Variants in DCC observed in about 807,000 individuals in gnomAD.
DCC encodes the protein netrin receptor DCC.
DCC carries 58 observed loss-of-function variants against 172.5 expected under a neutral mutation model. That is an observed-to-expected ratio of 0.34 (90% CI 0.27 to 0.42). The LOEUF (loss-of-function observed/expected upper bound fraction) is 0.42. Ranked by LOEUF, DCC falls within the 10% of genes least tolerant of loss-of-function variation. The pLI is 1.00. For missense variants in DCC, 1,740 were observed against 1,791.0 expected, an observed-to-expected ratio of 0.97 and a Z score of 0.51; for synonymous variants, 709 against 644.5, an observed-to-expected ratio of 1.10 and a Z score of -1.52.
At chr18:53,171,085 A>G (rs1286854144) in intron 8 of DCC, among the ~76,000 whole-genome samples, 1 of 152,110 alleles carries the variant, frequency 6.6e-6, no homozygotes, top group Non-Finnish European at 1.5e-5. Context: ...GGGTTTCACC[A>G]GATTGGCCAG....
At chr18:53,236,553 G>A (rs891115712) in intron 12 of DCC, among the ~76,000 whole-genome samples, 2 of 151,916 alleles carry the variant, frequency 1.3e-5, no homozygotes, top group African/African-American at 4.8e-5. Flanking sequence ...ACAAATTGGC[G>A]GCTTACCTTT....
chr18:52,631,079 G>A (rs1598970394), intron 1 of DCC, among the ~76,000 whole-genome samples: 1 of 152,132 alleles, frequency 6.6e-6, no homozygotes, highest in East Asian at 1.9e-4. Flanking sequence ...CTATTCGGAG[G>A]CCTACTTTTC....
chr18:53,341,507 C>A (rs1180496750), intron 15 of DCC, among the ~76,000 whole-genome samples: 1 of 152,108 alleles, frequency 6.6e-6, no homozygotes, highest in Non-Finnish European at 1.5e-5. Flanking sequence ...GGATATGAAC[C>A]TGTCTCAGTA....
At chr18:52,737,113 G>T (rs1415319697) in intron 1 of DCC, among the ~76,000 whole-genome samples, 2 of 152,066 alleles carry the variant, frequency 1.3e-5, no homozygotes, top group African/African-American at 2.4e-5. Context: ...TTCCTAAATG[G>T]TGCTCAGGAG....
At chr18:52,458,108 C>A (rs770483270) in intron 1 of DCC, among the ~76,000 whole-genome samples, 26 of 152,124 alleles carry the variant, frequency 1.7e-4, no homozygotes, top group Non-Finnish European at 3.2e-4. Context: ...TCTCTGATGT[C>A]CTTGGTGGTC....
At chr18:53,062,753 A>C (rs1310039049) in intron 5 of DCC, among the ~76,000 whole-genome samples, 1 of 152,294 alleles carries the variant, frequency 6.6e-6, no homozygotes, top group East Asian at 1.9e-4. Flanking sequence ...ACTACAGTAG[A>C]TAATTGCTAA....
intron 27 of DCC, among the ~76,000 whole-genome samples, chr18:53,519,273 C>T (rs1378252883): frequency 6.6e-6 from 1 of 152,074 alleles, no homozygotes. Context: ...GGCTAAAATG[C>T]TTCCTCAGTA....
At chr18:53,140,086 T>A (rs2043807812) in intron 7 of DCC, among the ~76,000 whole-genome samples, 1 of 152,232 alleles carries the variant, frequency 6.6e-6, no homozygotes, top group African/African-American at 2.4e-5. Flanking sequence ...GAGATAGATA[T>A]GTACCTTGTT....
chr18:53,091,811 A>G (rs878924123), intron 7 of DCC, among the ~76,000 whole-genome samples: 7 of 141,190 alleles, frequency 5.0e-5, no homozygotes, highest in Non-Finnish European at 7.5e-5. Flanking sequence ...CACTGTACAT[A>G]TATCTATCTA....
chr18:53,468,380 T>TTTATTTTATTTATTTATTTATTTATTTTA (rs1555675979), intron 25 of DCC, among the ~76,000 whole-genome samples: 7 of 135,150 alleles, frequency 5.2e-5, no homozygotes, highest in Non-Finnish European at 9.1e-5. Flanking sequence ...TATTTATTTA[T>TTTATTTTATTTATTTATTTATTTATTTTA]TTTATTTATT....
intron 8 of DCC, among the ~76,000 whole-genome samples, chr18:53,164,960 G>C (rs181773972): frequency 4.1e-4 from 62 of 152,230 alleles, no homozygotes; most frequent in Non-Finnish European, 7.1e-4. Context: ...TATTAGAACT[G>C]GGATTTCAAT....
chr18:53,124,825 G>T (rs920526996), intron 7 of DCC, among the ~76,000 whole-genome samples: 7 of 151,886 alleles, frequency 4.6e-5, no homozygotes, highest in African/African-American at 7.3e-5. Context: ...AATTAGCCAG[G>T]TGTGTGTGGT....
rs530415238 is a variant in DCC, at chr18:53,139,950, G to A, written c.1262-17406G>A. 9.9e-5 allele frequency among the ~76,000 whole-genome samples: 15 copies of A among 152,188 alleles called. No homozygotes were observed. In the South Asian group the frequency reaches 2.3e-3, roughly 23 times the overall value. ...GAATGTGAGCTCCAAAAAGGCAGAC[G>A]GTATTTATCTTGCTTACTGAATCCC... On this transcript the variant is annotated intron_variant, in intron 7 of 28. Transcript: ENST00000442544.
chr18:52,537,817 T>C (rs2032330919), intron 1 of DCC, among the ~76,000 whole-genome samples: 1 of 152,186 alleles, frequency 6.6e-6, no homozygotes, highest in African/African-American at 2.4e-5. Flanking sequence ...AGCCAGCCAA[T>C]GATGTCCCCA....
intron 1 of DCC, among the ~76,000 whole-genome samples, chr18:52,750,503 G>A (rs75750183): frequency 0.034 from 5,209 of 152,194 alleles, 129 homozygotes; most frequent in Admixed American, 0.048. Flanking sequence ...ATTAATTCAA[G>A]CAAAGTTCCA....
At position 52,340,396 on chromosome 18, in the gene DCC, A is replaced by G. The variant is rs952437577; in HGVS notation, c.-392A>G. On this transcript the variant is annotated 5_prime_UTR_variant, in exon 1 of 29. Coordinates refer to ENST00000442544, the MANE Select transcript of DCC (RefSeq NM_005215.4). Reference sequence around the variant, plus strand: ...ACCTTTTAATGCACAGCCCGGCCACAGGATTGCCTTCCATCTCCTCTTGGT... The same window carrying G: ...ACCTTTTAATGCACAGCCCGGCCACGGGATTGCCTTCCATCTCCTCTTGGT... The G allele has an allele frequency of 7.4e-6, 2 of 268,556 alleles. No homozygotes were observed. Among genetic ancestry groups the G allele is most frequent in the Admixed American group, 9.1e-5 (2 of 21,990 alleles). The allele number at this position is 268,556 out of a possible 1,614,324, so 16.6% of individuals were successfully genotyped here.
At chr18:52,663,108 G>C (rs551530806) in intron 1 of DCC, among the ~76,000 whole-genome samples, 9 of 152,188 alleles carry the variant, frequency 5.9e-5, no homozygotes, top group Non-Finnish European at 7.3e-5. Flanking sequence ...GACAGTTAAA[G>C]AATGTATTTC....
chr18:53,030,545 G>A (rs922970543), intron 5 of DCC, among the ~76,000 whole-genome samples: 4 of 152,044 alleles, frequency 2.6e-5, no homozygotes, highest in Non-Finnish European at 4.4e-5. Context: ...AAACTTAGCT[G>A]TTCTTGGACC....
At chr18:53,148,916 T>C (rs1207267463) in intron 7 of DCC, among the ~76,000 whole-genome samples, 3 of 140,084 alleles carry the variant, frequency 2.1e-5, no homozygotes, top group South Asian at 2.4e-4. Context: ...CAGGCTGGAG[T>C]GCAGTGGCAT....
Sources: gnomAD v4.1 joint callset for allele counts (sites outside exome capture counted in the v4.1 genomes callset) on GRCh38, gnomAD v4.1.1 for gene constraint, MANE v1.5 for transcripts, NCBI Gene and HGNC (gene_info 2026-07-23, HGNC 2026-07-21) for gene names.